TNNI3K: variants seen among roughly 807,000 people sequenced by gnomAD.
TNNI3K encodes the protein serine/threonine-protein kinase TNNI3K.
TNNI3K carries 140 observed loss-of-function variants against 114.5 expected under a neutral mutation model. The observed-to-expected ratio is 1.22, with a 90% CI of 1.07 to 1.41. The LOEUF is 1.41. TNNI3K is among the 40% of genes most tolerant of loss of function. TNNI3K has a pLI of 0.00. For missense variants in TNNI3K, 1,125 were observed against 1,007.6 expected (o/e 1.12, Z -1.58); for synonymous variants, 347 against 347.5 (o/e 1.00, Z 0.02).
rs556392552 is a variant in TNNI3K, at chr1:74,259,184, A to G, written c.333+8415A>G. Among the ~76,000 whole-genome samples, 4 of 152,288 alleles carry G rather than the reference A, an allele frequency of 2.6e-5. No individual in the cohort carries two copies. In the South Asian group the frequency reaches 6.2e-4, roughly 24 times the overall value. ...ATATTTATTATAGGAACTGGCTCAC[A>G]CTATTATGGAGCCCAAAAGTCCCAC... On this transcript the variant is annotated intron_variant, in intron 4 of 24. Coordinates refer to ENST00000326637, the MANE Select transcript of TNNI3K (RefSeq NM_015978.3).
At chr1:74,495,565 T>C (rs555034041) in intron 23 of TNNI3K, among the ~76,000 whole-genome samples, 1 of 152,318 alleles carries the variant, frequency 6.6e-6, no homozygotes, top group South Asian at 2.1e-4. Context: ...CTATTGAACA[T>C]CCTGGGCACT....
chr1:74,507,448 G>C (rs541344519), intron 23 of TNNI3K, among the ~76,000 whole-genome samples: 1 of 151,998 alleles, frequency 6.6e-6, no homozygotes, highest in Non-Finnish European at 1.5e-5. Flanking sequence ...ACATGCGCAC[G>C]CACTTACACA....
At chr1:74,361,552 A>C (rs1260359711) in intron 11 of TNNI3K, among the ~76,000 whole-genome samples, 1 of 152,142 alleles carries the variant, frequency 6.6e-6, no homozygotes, top group Non-Finnish European at 1.5e-5. Flanking sequence ...ACACTGTGCT[A>C]GGAACAGTAA....
intron 17 of TNNI3K, among the ~76,000 whole-genome samples, chr1:74,391,055 C>T (rs1255010743): frequency 1.3e-5 from 2 of 148,864 alleles, no homozygotes; most frequent in African/African-American, 2.5e-5. Context: ...AAAGCCACAA[C>T]ATGTATGTCC....
chr1:74,351,534 T>G (rs1661340613), intron 9 of TNNI3K, among the ~76,000 whole-genome samples: 1 of 152,220 alleles, frequency 6.6e-6, no homozygotes, highest in Non-Finnish European at 1.5e-5. Flanking sequence ...ATTGGGGAAG[T>G]TCTCCTGGAT....
chr1:74,408,261 G>A (rs533240978), intron 17 of TNNI3K, among the ~76,000 whole-genome samples: 20 of 152,260 alleles, frequency 1.3e-4, no homozygotes, highest in African/African-American at 4.6e-4. Flanking sequence ...TCCTTATGAA[G>A]TGCTGGCTTT....
intron 17 of TNNI3K, among the ~76,000 whole-genome samples, chr1:74,424,136 G>A (rs149344613): frequency 3.2e-4 from 48 of 152,184 alleles, no homozygotes; most frequent in African/African-American, 1.1e-3. Flanking sequence ...GAGAAAGAGG[G>A]AGGAATCAAG....
intron 23 of TNNI3K, among the ~76,000 whole-genome samples, chr1:74,534,728 G>A (rs1818505): frequency 0.93 from 142,118 of 152,186 alleles, 66,515 homozygotes; most frequent in Non-Finnish European, 0.96. Flanking sequence ...ATATTCTACA[G>A]ATTTCTTTTA....
At chr1:74,542,222 C>A (rs1646735770) in intron 24 of TNNI3K, among the ~76,000 whole-genome samples, 1 of 152,114 alleles carries the variant, frequency 6.6e-6, no homozygotes. Flanking sequence ...CCTTTGGGGA[C>A]ATATGTCCAC....
chr1:74,491,842 C>T (rs185543404), intron 22 of TNNI3K, among the ~76,000 whole-genome samples: 11 of 152,156 alleles, frequency 7.2e-5, no homozygotes, highest in Admixed American at 3.9e-4. Flanking sequence ...TGAGTTGGGC[C>T]TACTGTGTTT....
At chr1:74,500,010 T>C (rs1363147433) in intron 23 of TNNI3K, among the ~76,000 whole-genome samples, 1 of 151,964 alleles carries the variant, frequency 6.6e-6, no homozygotes, top group Non-Finnish European at 1.5e-5. Context: ...GAATATGAGC[T>C]ATATTTCTAT....
chr1:74,272,431 A>G (rs1656408752), intron 5 of TNNI3K, among the ~76,000 whole-genome samples: 1 of 151,974 alleles, frequency 6.6e-6, no homozygotes, highest in African/African-American at 2.4e-5. Context: ...AAAGGAGGTC[A>G]TATAGGAAAA....
chr1:74,319,360 A>T (rs144323836), intron 5 of TNNI3K, among the ~76,000 whole-genome samples: 31 of 152,236 alleles, frequency 2.0e-4, no homozygotes, highest in Non-Finnish European at 3.7e-4. Context: ...GACATTTTAT[A>T]ACTTTTGTAT....
chr1:74,394,770 C>T (rs778826694), intron 17 of TNNI3K, among the ~76,000 whole-genome samples: 4 of 152,282 alleles, frequency 2.6e-5, no homozygotes, highest in African/African-American at 9.6e-5. Flanking sequence ...TTAGGCCGGG[C>T]GCAGTGGCTC....
intron 9 of TNNI3K, among the ~76,000 whole-genome samples, chr1:74,346,979 C>A (rs1417186672): frequency 1.3e-5 from 2 of 150,672 alleles, no homozygotes; most frequent in East Asian, 3.9e-4. Flanking sequence ...AAATTAAATA[C>A]CTATTTATTT....
In TNNI3K at chr1:74,498,804, G is replaced by A. The variant is rs377720746; in HGVS notation, c.2351+6538G>A. Among the ~76,000 whole-genome samples, 263 of 152,166 alleles carry A rather than the reference G, an allele frequency of 1.7e-3. 8 individuals are homozygous for A. In the South Asian group the frequency reaches 0.053, roughly 31 times the overall value. ...AAAAGGATAGAATATAGGTGACTAA[G>A]ATGTGTGAGGAGAAAAGTGACTACC... is the stretch of plus-strand genomic sequence containing the variant. On this transcript the variant is annotated intron_variant, in intron 23 of 24. Transcript: ENST00000326637.
intron 5 of TNNI3K, among the ~76,000 whole-genome samples, chr1:74,317,853 T>C (rs140910870): frequency 2.6e-5 from 4 of 152,338 alleles, no homozygotes; most frequent in Middle Eastern, 3.4e-3. Context: ...TAGTAGTTTC[T>C]TCAGATGGAC....
chr1:74,238,323 T>C (rs1228381769), intron 2 of TNNI3K, among the ~76,000 whole-genome samples: 1 of 152,028 alleles, frequency 6.6e-6, no homozygotes, highest in Non-Finnish European at 1.5e-5. Context: ...CTCATTTTCA[T>C]CTATAAAATG....
At chr1:74,368,883 A>G in intron 13 of TNNI3K, 139 bp from the exon 14 acceptor site, 1 of 706,018 alleles carries the variant, frequency 1.4e-6, no homozygotes, top group South Asian at 2.6e-5. Flanking sequence ...ATCTTTAAGT[A>G]GTCAATTACA....
Sources: allele counts gnomAD v4.1 joint callset (sites outside exome capture counted in the v4.1 genomes callset), GRCh38; gene constraint gnomAD v4.1.1; transcripts MANE v1.5; gene names NCBI Gene and HGNC (gene_info 2026-07-23, HGNC 2026-07-21).